Variants in SLC39A9 observed in about 807,000 individuals in gnomAD.
SLC39A9 encodes solute carrier family 39 member 9.
In SLC39A9, 14 loss-of-function variants were observed where a neutral mutation model predicts 28.4. The observed-to-expected ratio is 0.49, with a 90% CI of 0.33 to 0.77. The LOEUF (loss-of-function observed/expected upper bound fraction) is 0.77. SLC39A9 is among the 30% of genes least tolerant of loss of function. The pLI, the probability that SLC39A9 is intolerant of heterozygous loss-of-function variation, is 0.02. For synonymous variants in SLC39A9, 119 were observed against 149.6 expected (o/e 0.80, Z 1.49); for missense variants, 283 against 381.1 (o/e 0.74, Z 2.14).
intron 1 of SLC39A9, among the ~76,000 whole-genome samples, chr14:69,408,340 A>G (rs773986289): frequency 2.0e-5 from 3 of 152,134 alleles, no homozygotes; most frequent in Non-Finnish European, 4.4e-5. Flanking sequence ...TTTATGTTAA[A>G]CTTTCTCTCT....
intron 1 of SLC39A9, among the ~76,000 whole-genome samples, chr14:69,414,068 T>TGA (rs1353093514): frequency 4.1e-5 from 6 of 145,278 alleles, no homozygotes; most frequent in Non-Finnish European, 1.5e-5. Context: ...TTTTTTTTTT[T>TGA]GAGAGAGGGT....
At chr14:69,451,726 T>C (rs1016395836) in intron 3 of SLC39A9, among the ~76,000 whole-genome samples, 1 of 152,166 alleles carries the variant, frequency 6.6e-6, no homozygotes, top group African/African-American at 2.4e-5. Context: ...TTATTTTTAA[T>C]TTTTCTTGAG....
At chr14:69,412,390 AAAATAAATAAAT>A (rs201794769) in intron 1 of SLC39A9, among the ~76,000 whole-genome samples, 1,949 of 142,248 alleles carry the variant, frequency 0.014, 52 homozygotes, top group African/African-American at 0.047. Context: ...CTCCATCTCA[AAAATAAATAAAT>A]AAATAAATAA....
chr14:69,416,932 T>C (rs1471791015), intron 1 of SLC39A9, among the ~76,000 whole-genome samples: 1 of 152,232 alleles, frequency 6.6e-6, no homozygotes, highest in Non-Finnish European at 1.5e-5. Flanking sequence ...GCCTGTTCAC[T>C]CTGATGGTAG....
At chr14:69,413,759 T>C (rs973759945) in intron 1 of SLC39A9, among the ~76,000 whole-genome samples, 1 of 152,202 alleles carries the variant, frequency 6.6e-6, no homozygotes, top group South Asian at 2.1e-4. Context: ...TGTATTATGC[T>C]ATGCAGTGAG....
intron 3 of SLC39A9, 36 bp downstream of exon 3, chr14:69,442,302 C>T: frequency 1.3e-6 from 2 of 1,569,360 alleles, no homozygotes; most frequent in South Asian, 1.1e-5. Flanking sequence ...CAGTGCAATA[C>T]ATTTGCAGTT....
At chr14:69,425,531 A>G (rs1884143093) in intron 2 of SLC39A9, among the ~76,000 whole-genome samples, 1 of 152,224 alleles carries the variant, frequency 6.6e-6, no homozygotes, top group Non-Finnish European at 1.5e-5. Context: ...TGCAATTCTT[A>G]TGAAACAAGT....
chr14:69,450,651 G>T (rs1020963415), intron 3 of SLC39A9, among the ~76,000 whole-genome samples: 1 of 152,152 alleles, frequency 6.6e-6, no homozygotes, highest in East Asian at 1.9e-4. Context: ...AGTGGCACTT[G>T]CCTGTAATCA....
intron 2 of SLC39A9, among the ~76,000 whole-genome samples, chr14:69,431,482 T>G (rs910857533): frequency 6.6e-6 from 1 of 152,000 alleles, no homozygotes; most frequent in Admixed American, 6.6e-5. Context: ...AAATGAACAT[T>G]CTTGCCTTAC....
At chr14:69,409,293 A>G (rs1411339979) in intron 1 of SLC39A9, among the ~76,000 whole-genome samples, 1 of 152,182 alleles carries the variant, frequency 6.6e-6, no homozygotes, top group Non-Finnish European at 1.5e-5. Context: ...CTGGTAGTAT[A>G]TCATAAGCAT....
chr14:69,446,945 T>TAGAGAGAG (rs748454128), intron 3 of SLC39A9, among the ~76,000 whole-genome samples: 1 of 131,782 alleles, frequency 7.6e-6, no homozygotes, highest in Non-Finnish European at 1.6e-5. Context: ...TATATATATA[T>TAGAGAGAG]ATAGAGAGAG....
chr14:69,458,496 A>G lies in SLC39A9; in HGVS notation c.827A>G (p.Asp276Gly), dbSNP rs1291659420. 6.2e-7 allele frequency: 1 copy of G among 1,614,244 alleles called. No individual in the cohort carries two copies. The highest frequency in any genetic ancestry group is 8.5e-7 in the Non-Finnish European group (1 of 1,180,042). Reference sequence around the variant, plus strand: ...GGAATAGGGCACAGCCACAAGCCCGATGCCACGGGAGGGAGAGGCCTCAGC... The same window carrying G: ...GGAATAGGGCACAGCCACAAGCCCGGTGCCACGGGAGGGAGAGGCCTCAGC... ...VGGIGHSHKP[D>G]ATGGRGLSRL... Residue 276 changes from aspartate (D) to glycine (G), a missense_variant, in exon 7 of 7, where the codon GAT becomes GGT. Transcript: ENST00000336643.
At chr14:69,411,261 T>C (rs1322514997) in intron 1 of SLC39A9, among the ~76,000 whole-genome samples, 1 of 150,680 alleles carries the variant, frequency 6.6e-6, no homozygotes, top group East Asian at 1.9e-4. Flanking sequence ...TGTCTTTAGG[T>C]GAACCAATTT....
In SLC39A9 at chr14:69,461,583, A is replaced by C. The variant is rs1886112732; in HGVS notation, c.*2990A>C. 6.6e-7 allele frequency: 1 copy of C among 1,507,034 alleles called. No individual in the cohort carries two copies. Among genetic ancestry groups the C allele is most frequent in the African/African-American group, 1.4e-5 (1 of 71,568 alleles). 93.4% of individuals were successfully genotyped at this position (1,507,034 alleles called of 1,614,324 possible). ...TATTTTGAATCATTAGAGAAAAGAA[A>C]GGGAGTGGCTGTTTTGAGTTGTCCT... On this transcript the variant is annotated 3_prime_UTR_variant, in exon 7 of 7. Transcript: ENST00000336643.
intron 2 of SLC39A9, chr14:69,428,862 A>G (rs150469164): frequency 6.6e-6 from 1 of 152,346 alleles, no homozygotes; most frequent in East Asian, 1.9e-4. Flanking sequence ...GAACCATAAC[A>G]TCTGCGTATT....
intron 1 of SLC39A9, among the ~76,000 whole-genome samples, chr14:69,399,987 A>G (rs1882537949): frequency 6.6e-6 from 1 of 152,030 alleles, no homozygotes; most frequent in Non-Finnish European, 1.5e-5. Context: ...CTTGACCCCA[A>G]GTGGTTGAGG....
chr14:69,458,247 C>T (rs1189834619), intron 6 of SLC39A9, 116 bp from the exon 7 acceptor site: 2 of 1,299,302 alleles, frequency 1.5e-6, no homozygotes, highest in Non-Finnish European at 2.1e-6. Flanking sequence ...TCTAGATGTC[C>T]CCAGTGTCCT....
At chr14:69,422,803 C>T (rs375053220) in intron 1 of SLC39A9, among the ~76,000 whole-genome samples, 175 of 152,230 alleles carry the variant, frequency 1.1e-3, no homozygotes, top group Non-Finnish European at 2.4e-3. Context: ...GGGCTGGTCT[C>T]GAACTCCTGA....
At chr14:69,422,949 G>A (rs1167683301) in intron 1 of SLC39A9, among the ~76,000 whole-genome samples, 1 of 152,292 alleles carries the variant, frequency 6.6e-6, no homozygotes, top group East Asian at 1.9e-4. Context: ...ACAAGAGGGA[G>A]TCCCTCAAAC....
Sources: gnomAD v4.1 joint callset for allele counts (sites outside exome capture counted in the v4.1 genomes callset) on GRCh38, gnomAD v4.1.1 for gene constraint, MANE v1.5 for transcripts, NCBI Gene and HGNC (gene_info 2026-07-23, HGNC 2026-07-21) for gene names.